FAM120B: variants seen among roughly 807,000 people sequenced by gnomAD.
FAM120B encodes the protein family with sequence similarity 120 member B, also known as constitutive coactivator of peroxisome proliferator-activated receptor gamma.
In FAM120B, 83 loss-of-function variants were observed where a neutral mutation model predicts 96.3. The observed-to-expected ratio is 0.86, with a 90% CI of 0.72 to 1.03. The LOEUF (loss-of-function observed/expected upper bound fraction) is 1.03. Ranked by LOEUF, FAM120B falls within the 50% of genes least tolerant of loss-of-function variation. The probability of loss-of-function intolerance (pLI) is 0.00; values close to 1 mark genes in which losing one functional copy is unlikely to be tolerated. For synonymous variants in FAM120B, 407 were observed against 402.7 expected (o/e 1.01, Z -0.13); for missense variants, 1,027 against 1,121.2 (o/e 0.92, Z 1.20).
At chr6:170,397,771 G>A (rs895649129) in intron 9 of FAM120B, among the ~76,000 whole-genome samples, 1 of 152,192 alleles carries the variant, frequency 6.6e-6, no homozygotes, top group African/African-American at 2.4e-5. Context: ...CAGCCTGGCC[G>A]TAAATGCCAG....
chr6:170,308,137 A>G (rs1784391675), intron 1 of FAM120B, among the ~76,000 whole-genome samples: 1 of 152,052 alleles, frequency 6.6e-6, no homozygotes. Context: ...TACAGCCTTC[A>G]CACTCTGTGT....
intron 4 of FAM120B, among the ~76,000 whole-genome samples, chr6:170,337,260 C>T (rs9460117): frequency 0.098 from 14,862 of 152,114 alleles, 1,035 homozygotes; most frequent in African/African-American, 0.19. Context: ...TGAATTTTAT[C>T]GAAGGCCTTT....
chr6:170,327,129 C>G (rs1452361243), intron 3 of FAM120B, among the ~76,000 whole-genome samples: 2 of 152,032 alleles, frequency 1.3e-5, no homozygotes, highest in Admixed American at 6.5e-5. Context: ...TCACTGCAAG[C>G]TCCGCCTCCC....
In FAM120B at chr6:170,330,731, A is replaced by G. The variant is rs1225283677; in HGVS notation, c.2017+181A>G. The G allele has an allele frequency of 6.6e-6, 4 of 603,704 alleles. No homozygotes were observed. In the Admixed American group the frequency reaches 8.9e-5, roughly 13 times the overall value. The allele number at this position is 603,704 out of a possible 1,614,324, so 37.4% of individuals were successfully genotyped here. On this transcript the variant is annotated intron_variant, in intron 4 of 10. Coordinates refer to ENST00000476287, the MANE Select transcript of FAM120B (RefSeq NM_032448.3). ...AAAGTCCCAAAATAATGGAAGGATGATGCTGTGGCAGGTTTACCCTGGACC... is the reference window on the plus strand; with the variant it reads ...AAAGTCCCAAAATAATGGAAGGATGGTGCTGTGGCAGGTTTACCCTGGACC...
At chr6:170,326,945 A>G (rs943376130) in intron 3 of FAM120B, among the ~76,000 whole-genome samples, 7 of 152,012 alleles carry the variant, frequency 4.6e-5, no homozygotes, top group Admixed American at 2.0e-4. Flanking sequence ...GGATCTCGCT[A>G]TGTTACCTAG....
rs576292123 is a variant in FAM120B, at chr6:170,364,890, AC to A, written c.2283+6574del. Among the ~76,000 whole-genome samples the A allele has an allele frequency of 1.2e-3, 176 of 152,314 alleles. 1 individual carries two copies. The highest frequency in any genetic ancestry group is 4.0e-3 in the African/African-American group (168 of 41,570). On this transcript the variant is annotated intron_variant, in intron 6 of 10. Coordinates refer to ENST00000476287, the MANE Select transcript of FAM120B (RefSeq NM_032448.3). ...CTTGTAGATTGCAGTGGTGAGTGAGACCTACAGTTGGTGAAGCTAAAAGCCC... is the reference window on the plus strand; with the variant it reads ...CTTGTAGATTGCAGTGGTGAGTGAGACTACAGTTGGTGAAGCTAAAAGCCC...
At chr6:170,300,584 C>G (rs1784119803) in intron 1 of FAM120B, among the ~76,000 whole-genome samples, 1 of 152,200 alleles carries the variant, frequency 6.6e-6, no homozygotes, top group African/African-American at 2.4e-5. Context: ...AAGTCCAAGT[C>G]CAAAGTGTCT....
rs9460108 is a variant in FAM120B at position 170,308,307 on chromosome 6, C to T, written c.-22+1465C>T. Among the ~76,000 whole-genome samples, 157 of 152,256 alleles carry T rather than the reference C, an allele frequency of 1.0e-3. 1 individual carries two copies. The highest frequency in any genetic ancestry group is 3.6e-3 in the African/African-American group (150 of 41,528). ...AACACCATAGCTGGGTCGGGGTCTT[C>T]ACTGCTCATCTTCATACACACGCAC... On this transcript the variant is annotated intron_variant, in intron 1 of 10. Transcript: ENST00000476287.
chr6:170,378,383 A>T (rs184569419), intron 6 of FAM120B, among the ~76,000 whole-genome samples: 1 of 152,134 alleles, frequency 6.6e-6, no homozygotes, highest in Non-Finnish European at 1.5e-5. Context: ...ACACCCTGCC[A>T]CCCGCTAGAA....
chr6:170,353,317 A>T (rs1393868623), intron 5 of FAM120B, among the ~76,000 whole-genome samples: 1 of 152,228 alleles, frequency 6.6e-6, no homozygotes, highest in Non-Finnish European at 1.5e-5. Flanking sequence ...ATTCTACCAG[A>T]GGTACAAAGA....
chr6:170,368,950 G>A (rs1455916075), intron 6 of FAM120B, among the ~76,000 whole-genome samples: 12 of 121,330 alleles, frequency 9.9e-5, no homozygotes, highest in South Asian at 2.5e-4. Flanking sequence ...CCCCCACCAT[G>A]AGCCAATCAG....
intron 1 of FAM120B, among the ~76,000 whole-genome samples, chr6:170,300,404 T>A (rs1008521057): frequency 2.0e-5 from 3 of 152,184 alleles, no homozygotes; most frequent in Admixed American, 2.0e-4. Flanking sequence ...TCCCACGACA[T>A]GTGGGGATTA....
rs778355009 is a variant in FAM120B, at chr6:170,318,102, A to G, written c.712A>G (p.Met238Val). ...LLGNDIIPEG[M>V]FESFRYKCLS... ...TGGCAACGACATAATCCCAGAGGGC[A>G]TGTTTGAAAGCTTTAGGTACAAATG... is the stretch of plus-strand genomic sequence containing the variant. The change falls in exon 2 of 11, where the codon ATG becomes GTG. Residue 238 changes from methionine to valine, a missense_variant. Around this residue, in one of 3 missense-constraint regions of FAM120B, gnomAD observed 880 missense variants for 980.9 expected, o/e 0.90. Transcript: ENST00000476287. The G allele has an allele frequency of 6.8e-6, 11 of 1,614,228 alleles. No homozygotes were observed. The highest frequency in any genetic ancestry group is 1.1e-5 in the South Asian group (1 of 91,090).
intron 3 of FAM120B, among the ~76,000 whole-genome samples, 188 bp downstream of exon 3, chr6:170,323,447 C>T (rs868328417): frequency 2.0e-5 from 3 of 152,094 alleles, no homozygotes; most frequent in South Asian, 2.1e-4. Context: ...TGCCATTGGA[C>T]GTCTATATCT....
Position 170,318,705 on chromosome 6 carries a change from A to G in FAM120B, c.1315A>G (p.Met439Val), listed in dbSNP as rs550707923. Residue 439 changes from methionine to valine, a missense_variant, in exon 2 of 11, where the codon ATG becomes GTG. Met to Val is a conservative substitution (Grantham distance 21). Transcript: ENST00000476287. ...CTCTGAACCCAGGCAAGAAGTTCCCATGTATACAGACTCTGAACCCAGGCA... is the reference window on the plus strand; with the variant it reads ...CTCTGAACCCAGGCAAGAAGTTCCCGTGTATACAGACTCTGAACCCAGGCA... ...TDSEPRQEVPMYTDSEPRQEV... is the reference protein window; with the variant it reads ...TDSEPRQEVPVYTDSEPRQEV... 17 of 1,593,492 alleles carry G rather than the reference A, an allele frequency of 1.1e-5. No individual in the cohort carries two copies. The African/African-American group carries it at 1.9e-4, about 18-fold the overall frequency.
At chr6:170,347,135 AAG>A (rs1009293014) in intron 4 of FAM120B, among the ~76,000 whole-genome samples, 7 of 152,294 alleles carry the variant, frequency 4.6e-5, no homozygotes, top group African/African-American at 1.7e-4. Context: ...TAAGAAAAGA[AAG>A]AGAAGAATTT....
chr6:170,354,337 A>G (rs569815288), intron 5 of FAM120B, among the ~76,000 whole-genome samples: 28 of 152,342 alleles, frequency 1.8e-4, no homozygotes, highest in Non-Finnish European at 3.4e-4. Flanking sequence ...AATCTAGGCA[A>G]TACCATTCAG....
At chr6:170,361,208 A>G (rs1431312995) in intron 6 of FAM120B, among the ~76,000 whole-genome samples, 23 of 79,148 alleles carry the variant, frequency 2.9e-4, no homozygotes, top group African/African-American at 4.9e-4. Flanking sequence ...GTATATATAT[A>G]TATATATATA....
At chr6:170,381,173 A>G (rs1371950097) in intron 6 of FAM120B, among the ~76,000 whole-genome samples, 1 of 152,198 alleles carries the variant, frequency 6.6e-6, no homozygotes, top group Non-Finnish European at 1.5e-5. Context: ...TCAAGAAGTA[A>G]GAAAACACAA....
Sources: allele counts gnomAD v4.1 joint callset (sites outside exome capture counted in the v4.1 genomes callset), GRCh38; gene constraint gnomAD v4.1.1; regional missense constraint gnomAD v4.1.1; transcripts MANE v1.5; gene names NCBI Gene and HGNC (gene_info 2026-07-23, HGNC 2026-07-21).